The following VWDE variants were observed in gnomAD, a reference collection of about 807,000 sequenced individuals.
The protein encoded by VWDE is von Willebrand factor D and EGF domain-containing protein.
In VWDE, 207 loss-of-function variants were observed where a neutral mutation model predicts 178.4. That is an observed-to-expected ratio of 1.16 (90% CI 1.04 to 1.30). The LOEUF (loss-of-function observed/expected upper bound fraction) is 1.30, where lower values mean the gene tolerates loss of function less well. Among genes scored for constraint, VWDE ranks in the 50% most tolerant of loss-of-function variants. VWDE has a pLI of 0.00. For synonymous variants in VWDE, 738 were observed against 651.4 expected (o/e 1.13, Z -2.02); for missense variants, 2,287 against 1,901.3 (o/e 1.20, Z -3.77).
chr7:12,365,533 G>T (rs1781348309), intron 13 of VWDE, among the ~76,000 whole-genome samples: 1 of 152,072 alleles, frequency 6.6e-6, no homozygotes. Context: ...ACTGAAATTT[G>T]AACTAAGAAG....
Position 12,361,397 on chromosome 7 carries a change from C to A in VWDE, c.3023G>T (p.Gly1008Val), listed in dbSNP as rs1583304542. Residue 1008 changes from glycine (G) to valine (V), a missense_variant, in exon 14 of 29, where the codon GGT becomes GTT. Transcript: ENST00000275358. ...VQQFDTMDLV[G>V]GKPTGKWQLK... ...CTGCCACTTCCCAGTTGGTTTCCCA[C>A]CCACCAGATCCATGGTATCAAACTG... The A allele has an allele frequency of 2.6e-6, 4 of 1,550,298 alleles. No individual in the cohort carries two copies. Among genetic ancestry groups the A allele is most frequent in the Non-Finnish European group, 3.5e-6 (4 of 1,146,474 alleles).
rs1046696872 is a variant in VWDE at position 12,403,681 on chromosome 7, C to G, written c.36G>C (p.Leu12=). 6 of 1,548,010 alleles carry G rather than the reference C, an allele frequency of 3.9e-6. No individual in the cohort carries two copies. The African/African-American group carries it at 8.2e-5, about 21-fold the overall frequency. The change falls in exon 1 of 29, where the codon CTG becomes CTC. Residue 12 remains leucine, a synonymous_variant. Transcript: ENST00000275358. ...PGGACVLVIA[L]MFLAWGEAQE... Reference sequence around the variant, plus strand: ...TACCTTCCCCCCAGGCCAGGAACATCAGCGCGATCACCAGCACGCAGGCTC... The same window carrying G: ...TACCTTCCCCCCAGGCCAGGAACATGAGCGCGATCACCAGCACGCAGGCTC...
At chr7:12,366,449 GA>G (rs1218785412) in intron 13 of VWDE, among the ~76,000 whole-genome samples, 1 of 152,034 alleles carries the variant, frequency 6.6e-6, no homozygotes, top group African/African-American at 2.4e-5. Flanking sequence ...ATTCTGCCAT[GA>G]CTATTACAAT....
At chr7:12,391,288 C>A (rs987454869) in intron 2 of VWDE, among the ~76,000 whole-genome samples, 1 of 152,046 alleles carries the variant, frequency 6.6e-6, no homozygotes, top group Non-Finnish European at 1.5e-5. Context: ...TAAAACATTA[C>A]AAATAGTAAT....
intron 1 of VWDE, among the ~76,000 whole-genome samples, chr7:12,399,351 A>G (rs543727183): frequency 3.5e-4 from 54 of 152,324 alleles, no homozygotes; most frequent in South Asian, 2.1e-4. Flanking sequence ...CTTTATAATG[A>G]TAAAAGGGTC....
intron 21 of VWDE, 69 bp from the exon 22 acceptor site, chr7:12,343,247 A>C: frequency 9.0e-7 from 1 of 1,110,354 alleles, no homozygotes; most frequent in African/African-American, 1.6e-5. Flanking sequence ...TTTATAAAGC[A>C]CTGTCACAAT....
rs756306996 is a variant in VWDE at position 12,337,011 on chromosome 7, C to T, written c.4535G>A (p.Trp1512Ter). ...GPSTCSCPSG[W>*]SGKRCNTPIC... Reference sequence around the variant, plus strand: ...ACGTGTGTTGCATCGTTTCCCACTCCAACCAGAAGGACAAGAGCAAGTGCT... The same window carrying T: ...ACGTGTGTTGCATCGTTTCCCACTCTAACCAGAAGGACAAGAGCAAGTGCT... The change falls in exon 26 of 29, where the codon TGG becomes TAG. Residue 1512 changes from tryptophan (W) to a stop codon, truncating the protein, a stop_gained. Coordinates refer to ENST00000275358, the MANE Select transcript of VWDE (RefSeq NM_001135924.3). LOFTEE classifies it high-confidence loss of function. 88 of 1,551,250 alleles carry T rather than the reference C, an allele frequency of 5.7e-5. No homozygotes were observed. Among genetic ancestry groups the T allele is most frequent in the Non-Finnish European group, 7.4e-5 (85 of 1,146,814 alleles).
chr7:12,385,216 A>G (rs890672054), intron 3 of VWDE, among the ~76,000 whole-genome samples: 4 of 152,146 alleles, frequency 2.6e-5, no homozygotes. Flanking sequence ...TCATGAGACT[A>G]TGATATTAAA....
At chr7:12,337,327 T>C in intron 24 of VWDE, 55 bp from the exon 25 acceptor site, 1 of 1,377,444 alleles carries the variant, frequency 7.3e-7, no homozygotes, top group Middle Eastern at 1.8e-4. Context: ...TTACTACATA[T>C]GATACATTGC....
At chr7:12,388,472 T>C (rs1784212885) in intron 3 of VWDE, among the ~76,000 whole-genome samples, 1 of 152,152 alleles carries the variant, frequency 6.6e-6, no homozygotes, top group Non-Finnish European at 1.5e-5. Context: ...TTATTCAAAA[T>C]CTTTTAGGTG....
At chr7:12,373,472 TC>T (rs1371064324) in intron 9 of VWDE, among the ~76,000 whole-genome samples, 1 of 152,092 alleles carries the variant, frequency 6.6e-6, no homozygotes, top group East Asian at 1.9e-4. Flanking sequence ...AATGGTCTTC[TC>T]CCCGTATGTG....
intron 28 of VWDE, among the ~76,000 whole-genome samples, 170 bp downstream of exon 28, chr7:12,333,295 A>T (rs1284607627): frequency 1.3e-5 from 2 of 152,166 alleles, no homozygotes; most frequent in African/African-American, 4.8e-5. Context: ...ATTTTATATA[A>T]TAACTCTACC....
At chr7:12,377,952 T>G (rs1783633793) in intron 6 of VWDE, 32 bp from the exon 7 acceptor site, 2 of 1,340,650 alleles carry the variant, frequency 1.5e-6, no homozygotes, top group Non-Finnish European at 1.9e-6. Flanking sequence ...AAAAATTATG[T>G]TAAAATATAA....
At chr7:12,378,295 G>A (rs1323128879) in intron 6 of VWDE, among the ~76,000 whole-genome samples, 1 of 152,160 alleles carries the variant, frequency 6.6e-6, no homozygotes, top group African/African-American at 2.4e-5. Context: ...GAAGACTCTG[G>A]TTTTTCTTAG....
At chr7:12,348,721 A>C (rs1184466506) in intron 19 of VWDE, among the ~76,000 whole-genome samples, 1 of 150,296 alleles carries the variant, frequency 6.7e-6, no homozygotes, top group Non-Finnish European at 1.5e-5. Context: ...CCATCCCATT[A>C]CTGGGTATAT....
At chr7:12,371,996 A>G (rs959406191) in intron 10 of VWDE, among the ~76,000 whole-genome samples, 1 of 152,060 alleles carries the variant, frequency 6.6e-6, no homozygotes, top group African/African-American at 2.4e-5. Context: ...TGCAGGTTAT[A>G]TATGATATAT....
intron 27 of VWDE, among the ~76,000 whole-genome samples, chr7:12,333,886 G>A (rs1195026281): frequency 3.9e-5 from 6 of 152,012 alleles, no homozygotes; most frequent in Admixed American, 3.3e-4. Context: ...AGGAGCTGAA[G>A]TCATTAACAG....
At chr7:12,379,593 C>A in intron 5 of VWDE, 27 bp from the exon 6 acceptor site, 2 of 1,484,200 alleles carry the variant, frequency 1.3e-6, no homozygotes, top group Non-Finnish European at 1.8e-6. Flanking sequence ...AAAATAATCA[C>A]TTAGAAATTC....
chr7:12,397,283 G>T (rs1784676221), intron 1 of VWDE, among the ~76,000 whole-genome samples: 1 of 152,110 alleles, frequency 6.6e-6, no homozygotes, highest in Non-Finnish European at 1.5e-5. Flanking sequence ...ACAGCCATCT[G>T]ATCTTTGTCA....
Sources: allele counts gnomAD v4.1 joint callset (sites outside exome capture counted in the v4.1 genomes callset), GRCh38; gene constraint gnomAD v4.1.1; transcripts MANE v1.5; gene names NCBI Gene and HGNC (gene_info 2026-07-23, HGNC 2026-07-21).